Variants in CENPU observed in about 807,000 individuals in gnomAD.
The protein encoded by CENPU is KSHV latent nuclear antigen interacting protein 1.
A neutral mutation model predicts 56.7 loss-of-function variants in CENPU; 46 were observed. That is an observed-to-expected ratio of 0.81 (90% CI 0.64 to 1.04). CENPU has a LOEUF of 1.04. Ranked by LOEUF, CENPU falls within the 50% of genes least tolerant of loss-of-function variation. The pLI is 0.00. For synonymous variants in CENPU, 166 were observed against 163.0 expected (o/e 1.02, Z -0.14); for missense variants, 510 against 490.1 (o/e 1.04, Z -0.38).
intron 4 of CENPU, among the ~76,000 whole-genome samples, chr4:184,721,062 C>T (rs1031467541): frequency 6.6e-5 from 10 of 151,996 alleles, no homozygotes; most frequent in Non-Finnish European, 1.0e-4. Flanking sequence ...AATAACTTTT[C>T]AAAACATAAA....
chr4:184,724,562 T>G (rs528125428), intron 4 of CENPU, among the ~76,000 whole-genome samples: 1 of 152,344 alleles, frequency 6.6e-6, no homozygotes, highest in Admixed American at 6.5e-5. Context: ...AACAGCCTTT[T>G]TATTGCTTTG....
intron 12 of CENPU, among the ~76,000 whole-genome samples, chr4:184,696,763 T>G (rs1177475135): frequency 6.6e-6 from 1 of 151,756 alleles, no homozygotes; most frequent in Non-Finnish European, 1.5e-5. Flanking sequence ...ACATTTCTAT[T>G]AATCTGAGGC....
chr4:184,700,665 A>C (rs1234338010), intron 11 of CENPU, among the ~76,000 whole-genome samples, 155 bp downstream of exon 11: 1 of 152,218 alleles, frequency 6.6e-6, no homozygotes, highest in Non-Finnish European at 1.5e-5. Context: ...AAGGTGGGGC[A>C]ACTAAGCAGC....
chr4:184,704,555 C>T (rs1391598906), intron 8 of CENPU, among the ~76,000 whole-genome samples: 1 of 150,662 alleles, frequency 6.6e-6, no homozygotes, highest in African/African-American at 2.5e-5. Context: ...AGAACACATC[C>T]CCGTTGTTAA....
At chr4:184,731,388 C>T (rs1193706952) in intron 1 of CENPU, among the ~76,000 whole-genome samples, 2 of 152,190 alleles carry the variant, frequency 1.3e-5, no homozygotes, top group Non-Finnish European at 2.9e-5. Flanking sequence ...CACAGCAACA[C>T]GGAGCCAGGA....
rs1452438112 is a variant in CENPU at position 184,709,962 on chromosome 4, C to T, written c.797+110G>A. 9.1e-6 allele frequency: 4 copies of T among 438,456 alleles called. No homozygotes were observed. In the Admixed American group the frequency reaches 1.7e-4, roughly 19 times the overall value. The allele number at this position is 438,456 out of a possible 1,614,324, so 27.2% of individuals were successfully genotyped here. A position where few individuals can be genotyped will look rare whatever the true frequency, so the allele number is the denominator to read the frequency against. On this transcript the variant is annotated intron_variant, in intron 8 of 12. Coordinates refer to ENST00000281453, the MANE Select transcript of CENPU (RefSeq NM_024629.4). ...AAATTATAATAAAATGTAAAAATAT[C>T]TAAAACAATGACAATGAAAATAGTA...
chr4:184,713,530 C>T (rs1481276850), intron 6 of CENPU, among the ~76,000 whole-genome samples: 1 of 152,192 alleles, frequency 6.6e-6, no homozygotes, highest in Non-Finnish European at 1.5e-5. Flanking sequence ...TTTCAGTTGA[C>T]TTTTAACAAT....
In CENPU at chr4:184,716,390, T is replaced by C; in HGVS notation, c.618+7A>G. ...TTGCCCTCCTAGGGGATGGCAGACG[T>C]TCTTACCGATTGACTTTCTATTGCC... is the stretch of plus-strand genomic sequence containing the variant. On this transcript the variant is annotated splice_region_variant and intron_variant, in intron 6 of 12. Coordinates refer to ENST00000281453, the MANE Select transcript of CENPU (RefSeq NM_024629.4). 1 of 1,608,720 alleles carries C rather than the reference T, an allele frequency of 6.2e-7. No homozygotes were observed. The highest frequency in any genetic ancestry group is 1.1e-5 in the South Asian group (1 of 90,628).
chr4:184,700,274 C>T (rs1200440967), intron 11 of CENPU, among the ~76,000 whole-genome samples: 1 of 150,454 alleles, frequency 6.6e-6, no homozygotes, highest in Non-Finnish European at 1.5e-5. Flanking sequence ...CATGTCACTC[C>T]AAGGCATACC....
Position 184,702,075 on chromosome 4 carries a change from C to T in CENPU, c.924+14G>A. On this transcript the variant is annotated intron_variant, in intron 10 of 12. Coordinates refer to ENST00000281453, the MANE Select transcript of CENPU (RefSeq NM_024629.4). ...GTGTTTGACTCTATGACTCTAATCACATAAATAATTTACCTTAGCATTCTT... is the reference window on the plus strand; with the variant it reads ...GTGTTTGACTCTATGACTCTAATCATATAAATAATTTACCTTAGCATTCTT... 1.3e-6 allele frequency: 2 copies of T among 1,574,364 alleles called. No individual in the cohort carries two copies. Among genetic ancestry groups the T allele is most frequent in the Non-Finnish European group, 1.7e-6 (2 of 1,145,816 alleles).
chr4:184,725,835 G>A (rs1051939195), intron 3 of CENPU, among the ~76,000 whole-genome samples: 1 of 152,118 alleles, frequency 6.6e-6, no homozygotes, highest in Non-Finnish European at 1.5e-5. Context: ...AAATGAACTT[G>A]GTGGAAAGGC....
At chr4:184,726,979 G>GC (rs1761475270) in intron 3 of CENPU, among the ~76,000 whole-genome samples, 1 of 86,670 alleles carries the variant, frequency 1.2e-5, no homozygotes, top group Non-Finnish European at 2.3e-5. Context: ...GGGGGTGGGG[G>GC]GGGGGGGCGC....
At chr4:184,717,746 G>A (rs28450662) in intron 4 of CENPU, among the ~76,000 whole-genome samples, 27,121 of 152,128 alleles carry the variant, frequency 0.18, 2,728 homozygotes, top group African/African-American at 0.26. Flanking sequence ...GGCCAAAGAT[G>A]GTGCAGAGTG....
intron 11 of CENPU, among the ~76,000 whole-genome samples, chr4:184,699,946 C>A (rs1055703621): frequency 5.9e-5 from 9 of 152,186 alleles, no homozygotes; most frequent in African/African-American, 2.2e-4. Flanking sequence ...CGTGAGCCAC[C>A]GTGCCCGGCC....
chr4:184,730,935 T>C lies in CENPU; in HGVS notation c.81A>G (p.Thr27=), dbSNP rs185187508. The C allele has an allele frequency of 7.4e-5, 117 of 1,582,834 alleles. 1 individual carries two copies. In the East Asian group the frequency reaches 2.2e-3, roughly 30 times the overall value. ...ARRSKNTLER[T]HSMKDKAGQK... is the part of the protein sequence containing the mutation. ...GGTAACTTACATCTTTCATGGAATG[T>C]GTTCTTTCTAAAGTGTTCTTTGAAC... Residue 27 remains threonine (T), a synonymous_variant, in exon 2 of 13, where the codon ACA becomes ACG. Transcript: ENST00000281453.
In CENPU at chr4:184,711,370, T is replaced by C. The variant is rs561374086; in HGVS notation, c.689-1190A>G. Among the ~76,000 whole-genome samples the C allele has an allele frequency of 3.9e-5, 6 of 152,324 alleles. No homozygotes were observed. The South Asian group carries it at 1.2e-3, about 32-fold the overall frequency. On this transcript the variant is annotated intron_variant, in intron 7 of 12. Transcript: ENST00000281453. ...GTATGTATTGTGTAAAAAAATCAAA[T>C]TAGGGTATTCAGCATATCCATCACC...
chr4:184,717,326 G>A, intron 4 of CENPU, 130 bp from the exon 5 acceptor site: 2 of 672,066 alleles, frequency 3.0e-6, no homozygotes, highest in Non-Finnish European at 5.1e-6. Context: ...TCACATACAA[G>A]TCTGCCACCT....
Position 184,694,844 on chromosome 4 carries a change from A to T in CENPU, c.*444T>A, listed in dbSNP as rs2150194624. The T allele has an allele frequency of 7.4e-7, 1 of 1,348,984 alleles. No individual in the cohort carries two copies. The highest frequency in any genetic ancestry group is 2.3e-5 in the East Asian group (1 of 43,082). 83.6% of individuals were successfully genotyped at this position (1,348,984 alleles called of 1,614,324 possible). A position where few individuals can be genotyped will look rare whatever the true frequency, so the allele number is the denominator to read the frequency against. On this transcript the variant is annotated 3_prime_UTR_variant, in exon 13 of 13. Transcript: ENST00000281453. Reference sequence around the variant, plus strand: ...TGCCTGATGTCTGTGAGATTTGATAAATATATCATTCAACCTGTTTATATA... The same window carrying T: ...TGCCTGATGTCTGTGAGATTTGATATATATATCATTCAACCTGTTTATATA...
In CENPU at chr4:184,694,697, C is replaced by T; in HGVS notation, c.*591G>A. ...ACTGAAGATGCTGAATTAGCTGAAG[C>T]TGCAGAGAACAGTCTTCTCAGTTAT... On this transcript the variant is annotated 3_prime_UTR_variant, in exon 13 of 13. Coordinates refer to ENST00000281453, the MANE Select transcript of CENPU (RefSeq NM_024629.4). The T allele has an allele frequency of 6.2e-7, 1 of 1,613,678 alleles. No individual in the cohort carries two copies. Among genetic ancestry groups the T allele is most frequent in the Non-Finnish European group, 8.5e-7 (1 of 1,179,574 alleles).
Sources: gnomAD v4.1 joint callset for allele counts (sites outside exome capture counted in the v4.1 genomes callset) on GRCh38, gnomAD v4.1.1 for gene constraint, MANE v1.5 for transcripts, NCBI Gene and HGNC (gene_info 2026-07-23, HGNC 2026-07-21) for gene names.